AKT3: variants seen among roughly 807,000 people sequenced by gnomAD.
AKT3 encodes RAC-gamma serine/threonine-protein kinase.
AKT3 carries 15 observed loss-of-function variants against 65.3 expected under a neutral mutation model. That is an observed-to-expected ratio of 0.23 (90% CI 0.15 to 0.35). AKT3 has a LOEUF of 0.35. Among genes scored for constraint, AKT3 ranks in the 10% least tolerant of loss-of-function variants. The pLI is 1.00. For synonymous variants in AKT3, 206 were observed against 183.8 expected, an observed-to-expected ratio of 1.12 and a Z score of -0.98; for missense variants, 243 against 576.5, an observed-to-expected ratio of 0.42 and a Z score of 5.92.
chr1:243,719,501 G>A (rs1312639849), intron 2 of AKT3, among the ~76,000 whole-genome samples: 1 of 152,134 alleles, frequency 6.6e-6, no homozygotes, highest in Non-Finnish European at 1.5e-5. Context: ...TATATTTTGA[G>A]TAAACTAAAT....
chr1:243,524,098 A>G (rs1300860073), intron 12 of AKT3, among the ~76,000 whole-genome samples: 1 of 152,256 alleles, frequency 6.6e-6, no homozygotes, highest in Non-Finnish European at 1.5e-5. Flanking sequence ...ACGGTAGGCA[A>G]CTGCAACACA....
At chr1:243,722,240 T>C (rs1250297040) in intron 2 of AKT3, among the ~76,000 whole-genome samples, 1 of 152,198 alleles carries the variant, frequency 6.6e-6, no homozygotes, top group Admixed American at 6.5e-5. Flanking sequence ...GGTTTTATTA[T>C]ATTATGCTTA....
At chr1:243,747,382 C>T (rs1007773705) in intron 2 of AKT3, among the ~76,000 whole-genome samples, 5 of 152,096 alleles carry the variant, frequency 3.3e-5, no homozygotes, top group African/African-American at 7.2e-5. Context: ...ATTTCATTAA[C>T]GGAGATTTCT....
At chr1:243,728,656 G>A (rs1386518009) in intron 2 of AKT3, among the ~76,000 whole-genome samples, 2 of 152,090 alleles carry the variant, frequency 1.3e-5, no homozygotes, top group African/African-American at 4.8e-5. Flanking sequence ...AGTTCTTCAC[G>A]ATTTCAAAGA....
chr1:243,834,662 T>C (rs1179652791), intron 2 of AKT3, among the ~76,000 whole-genome samples: 4 of 151,920 alleles, frequency 2.6e-5, no homozygotes, highest in Admixed American at 2.0e-4. Context: ...CGAAATAATC[T>C]GTATACCAAA....
chr1:243,657,909 A>G (rs1423690831), intron 4 of AKT3, among the ~76,000 whole-genome samples: 2 of 152,200 alleles, frequency 1.3e-5, no homozygotes, highest in East Asian at 3.8e-4. Flanking sequence ...TGCTGCTGAG[A>G]AAACTGGGTA....
At chr1:243,602,531 G>A (rs1677088271) in intron 8 of AKT3, among the ~76,000 whole-genome samples, 1 of 152,090 alleles carries the variant, frequency 6.6e-6, no homozygotes, top group Admixed American at 6.6e-5. Flanking sequence ...CCGTAAATTA[G>A]TAAGGAGAAC....
intron 2 of AKT3, among the ~76,000 whole-genome samples, chr1:243,708,987 A>G (rs1421114557): frequency 6.6e-6 from 1 of 152,016 alleles, no homozygotes; most frequent in African/African-American, 2.4e-5. Flanking sequence ...TACATAGCAT[A>G]AGGATTATCC....
At chr1:243,849,280 A>G (rs1217625170) in intron 1 of AKT3, among the ~76,000 whole-genome samples, 1 of 152,098 alleles carries the variant, frequency 6.6e-6, no homozygotes, top group African/African-American at 2.4e-5. Flanking sequence ...AGCCAAACCC[A>G]GCATCTTCCG....
intron 6 of AKT3, among the ~76,000 whole-genome samples, chr1:243,624,282 C>G (rs1205131346): frequency 6.6e-6 from 1 of 152,014 alleles, no homozygotes; most frequent in Non-Finnish European, 1.5e-5. Context: ...AATGACAGAC[C>G]AAAATCTCAA....
At chr1:243,596,599 G>C (rs181365721) in intron 8 of AKT3, among the ~76,000 whole-genome samples, 2 of 152,212 alleles carry the variant, frequency 1.3e-5, no homozygotes, top group African/African-American at 2.4e-5. Flanking sequence ...GCACTGGTGA[G>C]GGTGCAGAAC....
chr1:243,663,825 G>A (rs1682569356), intron 4 of AKT3, among the ~76,000 whole-genome samples: 1 of 152,298 alleles, frequency 6.6e-6, no homozygotes, highest in South Asian at 2.1e-4. Flanking sequence ...TTTTGTGACT[G>A]TGGTCACTGG....
At chr1:243,523,563 T>C (rs1298659271) in intron 12 of AKT3, among the ~76,000 whole-genome samples, 2 of 152,188 alleles carry the variant, frequency 1.3e-5, no homozygotes, top group Non-Finnish European at 2.9e-5. Flanking sequence ...ATAGATCTAG[T>C]CCAATCCCCT....
At chr1:243,649,792 C>CT (rs973720247) in intron 4 of AKT3, among the ~76,000 whole-genome samples, 3 of 152,018 alleles carry the variant, frequency 2.0e-5, no homozygotes, top group Admixed American at 1.3e-4. Context: ...ATGTACCACA[C>CT]TTTTTTTATC....
intron 4 of AKT3, among the ~76,000 whole-genome samples, chr1:243,660,842 T>G (rs1296750637): frequency 2.0e-5 from 3 of 152,206 alleles, no homozygotes; most frequent in South Asian, 4.1e-4. Context: ...CTCCTTAAGC[T>G]GATAAGCAAC....
chr1:243,750,438 C>T (rs960584200), intron 2 of AKT3, among the ~76,000 whole-genome samples: 5 of 151,928 alleles, frequency 3.3e-5, no homozygotes, highest in Non-Finnish European at 7.4e-5. Context: ...CACACACGCA[C>T]GCACGCACAC....
upstream of AKT3, among the ~76,000 whole-genome samples, chr1:243,850,295 A>AGGCGGCGGCGGCGGCGGCGGC (rs34490111): frequency 2.5e-5 from 3 of 118,256 alleles, no homozygotes; most frequent in African/African-American, 6.8e-5. Flanking sequence ...CTGGAGCGGG[A>AGGCGGCGGCGGCGGCGGCGGC]GGCGGCGGCG....
intron 6 of AKT3, among the ~76,000 whole-genome samples, chr1:243,620,561 T>G (rs919324020): frequency 6.6e-6 from 1 of 152,122 alleles, no homozygotes. Context: ...GTCACACTTA[T>G]CAAGCTCTAA....
At chr1:243,780,458 A>C (rs1558804121) in intron 2 of AKT3, among the ~76,000 whole-genome samples, 1 of 151,982 alleles carries the variant, frequency 6.6e-6, no homozygotes, top group Admixed American at 6.6e-5. Context: ...GTTTCAGGAA[A>C]CATGCACTTA....
Sources: gnomAD v4.1 joint callset for allele counts (sites outside exome capture counted in the v4.1 genomes callset) on GRCh38, gnomAD v4.1.1 for gene constraint, MANE v1.5 for transcripts, NCBI Gene and HGNC (gene_info 2026-07-23, HGNC 2026-07-21) for gene names.